ZFYVE28: variants seen among roughly 807,000 people sequenced by gnomAD.
ZFYVE28 encodes the protein zinc finger FYVE-type containing 28.
Under a neutral mutation model 82.1 loss-of-function variants are expected in ZFYVE28, and 40 were observed. The observed-to-expected ratio is 0.49, with a 90% CI of 0.38 to 0.63. The LOEUF (loss-of-function observed/expected upper bound fraction) is 0.63. Ranked by LOEUF, ZFYVE28 falls within the 30% of genes least tolerant of loss-of-function variation. The pLI, the probability that ZFYVE28 is intolerant of heterozygous loss-of-function variation, is 0.00. For missense variants in ZFYVE28, 1,321 were observed against 1,242.1 expected (o/e 1.06, Z -0.96); for synonymous variants, 612 against 546.1 (o/e 1.12, Z -1.68).
At chr4:2,383,452 A>T (rs1728932165) in intron 1 of ZFYVE28, among the ~76,000 whole-genome samples, 1 of 152,102 alleles carries the variant, frequency 6.6e-6, no homozygotes, top group Non-Finnish European at 1.5e-5. Context: ...AGCCACGTGG[A>T]ACTACAAGTC....
chr4:2,368,519 C>T (rs1448593511), intron 1 of ZFYVE28, among the ~76,000 whole-genome samples: 1 of 82,784 alleles, frequency 1.2e-5, no homozygotes, highest in Non-Finnish European at 2.9e-5. Context: ...GCAGTCATCC[C>T]CCTACCCCTT....
In ZFYVE28 at chr4:2,340,242, G is replaced by A. The variant is rs141953146; in HGVS notation, c.319-587C>T. Reference sequence around the variant, plus strand: ...CAGACTCATCAGTGTGAGAGTCCCTGGGCTCCTGGGCAGGTAAGGAGGGCT... The same window carrying A: ...CAGACTCATCAGTGTGAGAGTCCCTAGGCTCCTGGGCAGGTAAGGAGGGCT... On this transcript the variant is annotated intron_variant, in intron 3 of 12. Coordinates refer to ENST00000290974, the MANE Select transcript of ZFYVE28 (RefSeq NM_020972.3). 2.5e-3 allele frequency among the ~76,000 whole-genome samples: 376 copies of A among 152,262 alleles called. 3 individuals are homozygous for A. Among genetic ancestry groups the A allele is most frequent in the African/African-American group, 8.6e-3 (356 of 41,546 alleles).
chr4:2,397,470 T>C (rs1257640782), intron 1 of ZFYVE28, among the ~76,000 whole-genome samples: 5 of 66,718 alleles, frequency 7.5e-5, no homozygotes, highest in South Asian at 5.3e-4. Flanking sequence ...AGACTCGGTC[T>C]CAAAAAAAAA....
chr4:2,296,078 C>A (rs775983611), intron 8 of ZFYVE28, among the ~76,000 whole-genome samples: 1 of 152,152 alleles, frequency 6.6e-6, no homozygotes, highest in Admixed American at 6.5e-5. Context: ...GGGGGACCTG[C>A]GGTAATGACC....
At chr4:2,276,916 A>G (rs1736511604) in intron 8 of ZFYVE28, among the ~76,000 whole-genome samples, 2 of 152,136 alleles carry the variant, frequency 1.3e-5, no homozygotes, top group South Asian at 4.1e-4. Flanking sequence ...AGTGTGTTCA[A>G]TGCCACGAAA....
At chr4:2,384,122 G>T (rs1729005612) in intron 1 of ZFYVE28, among the ~76,000 whole-genome samples, 1 of 152,138 alleles carries the variant, frequency 6.6e-6, no homozygotes, top group South Asian at 2.1e-4. Context: ...TGCAGTGTTG[G>T]GTTCCCACAT....
chr4:2,393,757 C>T (rs1023359429), intron 1 of ZFYVE28, among the ~76,000 whole-genome samples: 1 of 152,238 alleles, frequency 6.6e-6, no homozygotes, highest in African/African-American at 2.4e-5. Flanking sequence ...CCAGTTCACT[C>T]GGCCACACCT....
chr4:2,402,847 C>G (rs1189739973), intron 1 of ZFYVE28, among the ~76,000 whole-genome samples: 1 of 152,158 alleles, frequency 6.6e-6, no homozygotes, highest in Non-Finnish European at 1.5e-5. Context: ...CAGCACTGAC[C>G]CATCCCTGCA....
At chr4:2,330,840 G>A (rs765943269) in intron 6 of ZFYVE28, 56 of 1,535,080 alleles carry the variant, frequency 3.6e-5, no homozygotes, top group Admixed American at 5.9e-5. Context: ...CAGCGGGTGC[G>A]TGGGGACTGG....
rs3128801 is a variant in ZFYVE28 at position 2,372,932 on chromosome 4, A to C, written c.40-18859T>G. Among the ~76,000 whole-genome samples, 101,461 of 151,804 alleles carry C rather than the reference A, an allele frequency of 0.67. 34,234 individuals are homozygous for C. The highest frequency in any genetic ancestry group is 0.8 in the East Asian group (4,100 of 5,140). On this transcript the variant is annotated intron_variant, in intron 1 of 12. Transcript: ENST00000290974. This position sits in a 1 kb window ranked among gnomAD's most constrained non-coding sequence, Gnocchi z 5.2. Reference sequence around the variant, plus strand: ...GCCAACCTTGGACGACTAGGGAGGGAAAAACCACCGCATGCCCACCAGAAG... The same window carrying C: ...GCCAACCTTGGACGACTAGGGAGGGCAAAACCACCGCATGCCCACCAGAAG...
intron 2 of ZFYVE28, among the ~76,000 whole-genome samples, chr4:2,345,213 A>G (rs1200463678): frequency 6.6e-6 from 1 of 152,100 alleles, no homozygotes; most frequent in Non-Finnish European, 1.5e-5. Flanking sequence ...AAAAAGAAAA[A>G]AAAATTACCA....
intron 6 of ZFYVE28, among the ~76,000 whole-genome samples, chr4:2,333,041 G>A (rs1030846144): frequency 2.0e-5 from 3 of 151,706 alleles, no homozygotes; most frequent in African/African-American, 7.3e-5. Flanking sequence ...CCTCCTGGGG[G>A]TCCCTCACTC....
chr4:2,417,742 A>G lies in ZFYVE28; in HGVS notation c.39+543T>C, dbSNP rs369379633. Among the ~76,000 whole-genome samples, 20 of 151,878 alleles carry G rather than the reference A, an allele frequency of 1.3e-4. No individual in the cohort carries two copies. Among genetic ancestry groups the G allele is most frequent in the East Asian group, 9.7e-4 (5 of 5,150 alleles). On this transcript the variant is annotated intron_variant, in intron 1 of 12. Transcript: ENST00000290974. This position sits in a 1 kb window ranked among gnomAD's most constrained non-coding sequence, Gnocchi z 4.8. ...GGAAGGACGGGTCTGCCCTGGACCCAGGGATTGGGAAATGTGGGTTCTCTC... is the reference window on the plus strand; with the variant it reads ...GGAAGGACGGGTCTGCCCTGGACCCGGGGATTGGGAAATGTGGGTTCTCTC...
At chr4:2,291,080 G>T (rs1037810491) in intron 8 of ZFYVE28, among the ~76,000 whole-genome samples, 12 of 152,212 alleles carry the variant, frequency 7.9e-5, no homozygotes, top group African/African-American at 2.7e-4. Flanking sequence ...AGCTCCTGTC[G>T]CCCTTCTCGT....
intron 6 of ZFYVE28, among the ~76,000 whole-genome samples, chr4:2,329,714 T>G (rs1720383139): frequency 6.6e-6 from 1 of 152,258 alleles, no homozygotes; most frequent in Non-Finnish European, 1.5e-5. Flanking sequence ...AGAGACATAC[T>G]ATTTGATAAC....
chr4:2,270,530 C>T lies in ZFYVE28; in HGVS notation c.*195G>A. 1.3e-6 allele frequency: 1 copy of T among 774,420 alleles called. No homozygotes were observed. Among genetic ancestry groups the T allele is most frequent in the South Asian group, 1.8e-5 (1 of 54,366 alleles). The allele number at this position is 774,420 out of a possible 1,614,324, so 48.0% of individuals were successfully genotyped here. A position where few individuals can be genotyped will look rare whatever the true frequency, so the allele number is the denominator to read the frequency against. ...CTGGGCAAAGCTGACCTCTTGTTGG[C>T]CCCTGCAGCCGGCCCGGGGTCCCTG... On this transcript the variant is annotated 3_prime_UTR_variant, in exon 13 of 13. Transcript: ENST00000290974.
rs1249876083 is a variant in ZFYVE28, at chr4:2,418,461, C to G, written c.-138G>C. 2 of 627,022 alleles carry G rather than the reference C, an allele frequency of 3.2e-6. No individual in the cohort carries two copies. Among genetic ancestry groups the G allele is most frequent in the Non-Finnish European group, 4.1e-6 (2 of 493,444 alleles). The allele number at this position is 627,022 out of a possible 1,614,324, so 38.8% of individuals were successfully genotyped here. ...GTCGCAGGGAGGCTGGCTAGCGAAG[C>G]CCGGAGCGCCGAGCGGGCGGCGGGC... On this transcript the variant is annotated 5_prime_UTR_variant, in exon 1 of 13. Transcript: ENST00000290974. This position sits in a 1 kb window ranked among gnomAD's most constrained non-coding sequence, Gnocchi z 4.6.
At chr4:2,402,397 C>T (rs961425498) in intron 1 of ZFYVE28, among the ~76,000 whole-genome samples, 3 of 152,210 alleles carry the variant, frequency 2.0e-5, no homozygotes, top group African/African-American at 4.8e-5. Flanking sequence ...GCTGGAAGGC[C>T]ATGTCCTGCA....
At chr4:2,303,568 C>G (rs536298246) in intron 8 of ZFYVE28, among the ~76,000 whole-genome samples, 57 of 152,150 alleles carry the variant, frequency 3.7e-4, no homozygotes, top group Non-Finnish European at 4.9e-4. Context: ...ATGGCCCTGA[C>G]AACGCAGCCA....
Sources: gnomAD v4.1 joint callset for allele counts (sites outside exome capture counted in the v4.1 genomes callset) on GRCh38, gnomAD v4.1.1 for gene constraint, Gnocchi (gnomAD v3.1) non-coding constraint, MANE v1.5 for transcripts, NCBI Gene and HGNC (gene_info 2026-07-23, HGNC 2026-07-21) for gene names.